The following C7orf78 variants were observed in gnomAD, a reference collection of about 807,000 sequenced individuals.
C7orf78 encodes the protein putative uncharacterized protein C7orf78.
chr7:12,527,896 G>A, the C7orf78 span, among the ~76,000 whole-genome samples: 1 of 147,206 alleles, frequency 6.8e-6, no homozygotes, highest in African/African-American at 2.5e-5. Context: ...CAGCTTCCTA[G>A]TATATGCTAT....
chr7:12,508,183 C>A, the C7orf78 span, among the ~76,000 whole-genome samples: 3 of 152,084 alleles, frequency 2.0e-5, no homozygotes, highest in African/African-American at 7.2e-5. Flanking sequence ...ACAGGGCATT[C>A]GGTAAAGTCT....
At chr7:12,507,772 G>A in the C7orf78 span, among the ~76,000 whole-genome samples, 4 of 152,128 alleles carry the variant, frequency 2.6e-5, no homozygotes, top group Non-Finnish European at 1.5e-5. Flanking sequence ...TTTTTAATTA[G>A]TGCATGTATG....
At chr7:12,504,420 A>C in the C7orf78 span, 1 of 152,214 alleles carries the variant, frequency 6.6e-6, no homozygotes, top group Non-Finnish European at 1.5e-5. Context: ...AGCAAAACTT[A>C]AATATACTTT....
At chr7:12,517,702 T>C in the C7orf78 span, among the ~76,000 whole-genome samples, 1 of 152,204 alleles carries the variant, frequency 6.6e-6, no homozygotes, top group East Asian at 1.9e-4. Context: ...GTTCATTAAA[T>C]GAACTCTTCA....
At chr7:12,533,838 T>C in the C7orf78 span, among the ~76,000 whole-genome samples, 3 of 152,232 alleles carry the variant, frequency 2.0e-5, no homozygotes, top group East Asian at 5.8e-4. Context: ...AAGTTTCTTA[T>C]AGTGGTTACA....
At chr7:12,508,335 AG>A in the C7orf78 span, among the ~76,000 whole-genome samples, 1 of 152,146 alleles carries the variant, frequency 6.6e-6, no homozygotes, top group Non-Finnish European at 1.5e-5. Flanking sequence ...AAATGGCTCA[AG>A]TTTCTAAGTT....
chr7:12,534,103 T>C, the C7orf78 span, among the ~76,000 whole-genome samples: 1 of 152,222 alleles, frequency 6.6e-6, no homozygotes, highest in South Asian at 2.1e-4. Context: ...TCTCAAATCA[T>C]GAATTTTAAA....
chr7:12,499,580 C>G, the C7orf78 span, among the ~76,000 whole-genome samples: 2 of 149,564 alleles, frequency 1.3e-5, no homozygotes, highest in South Asian at 4.4e-4. Context: ...ATTCATAAAG[C>G]AAGTCCTGAG....
chr7:12,537,327 C>T, the C7orf78 span, among the ~76,000 whole-genome samples: 14 of 152,326 alleles, frequency 9.2e-5, no homozygotes, highest in East Asian at 1.2e-3. Flanking sequence ...TCTCGTGAGA[C>T]TCATTCACTA....
chr7:12,516,811 C>G, the C7orf78 span, among the ~76,000 whole-genome samples: 2 of 152,144 alleles, frequency 1.3e-5, no homozygotes, highest in African/African-American at 4.8e-5. Flanking sequence ...TTGTTTTGGC[C>G]ACTTTCTCCC....
At chr7:12,535,810 T>C in the C7orf78 span, among the ~76,000 whole-genome samples, 1 of 152,194 alleles carries the variant, frequency 6.6e-6, no homozygotes, top group Non-Finnish European at 1.5e-5. Context: ...ACAGACCCCA[T>C]GCAAGTCCGA....
the C7orf78 span, among the ~76,000 whole-genome samples, chr7:12,516,105 C>A: frequency 6.6e-6 from 1 of 152,174 alleles, no homozygotes; most frequent in African/African-American, 2.4e-5. Context: ...ACAGCAGACC[C>A]TCCCATCACA....
the C7orf78 span, among the ~76,000 whole-genome samples, chr7:12,517,348 T>A: frequency 6.6e-6 from 1 of 152,194 alleles, no homozygotes; most frequent in Non-Finnish European, 1.5e-5. Context: ...GTAAGTCCAA[T>A]TAAACCTCTT....
chr7:12,495,266 A>T, the C7orf78 span, among the ~76,000 whole-genome samples: 1 of 152,170 alleles, frequency 6.6e-6, no homozygotes, highest in African/African-American at 2.4e-5. Flanking sequence ...ACTGTGTGAC[A>T]TGTCAGATGG....
the C7orf78 span, among the ~76,000 whole-genome samples, chr7:12,503,995 C>T: frequency 6.6e-6 from 1 of 152,012 alleles, no homozygotes; most frequent in Non-Finnish European, 1.5e-5. Flanking sequence ...TAGGTTGAGC[C>T]GTAGATTAGA....
chr7:12,520,352 A>G, the C7orf78 span, among the ~76,000 whole-genome samples: 1 of 152,176 alleles, frequency 6.6e-6, no homozygotes, highest in Non-Finnish European at 1.5e-5. Context: ...GATATTTCTA[A>G]TTTATTGATG....
chr7:12,511,682 T>C, the C7orf78 span, among the ~76,000 whole-genome samples: 1 of 152,190 alleles, frequency 6.6e-6, no homozygotes, highest in African/African-American at 2.4e-5. Flanking sequence ...TATTGGTGTA[T>C]AGAAACACTA....
At chr7:12,521,151 C>A in the C7orf78 span, among the ~76,000 whole-genome samples, 1 of 152,006 alleles carries the variant, frequency 6.6e-6, no homozygotes, top group South Asian at 2.1e-4. Context: ...ATAATTGAGT[C>A]CTTTTTTAAT....
At chr7:12,532,599 A>C in the C7orf78 span, among the ~76,000 whole-genome samples, 1 of 151,832 alleles carries the variant, frequency 6.6e-6, no homozygotes, top group Non-Finnish European at 1.5e-5. Context: ...CCCATACCCT[A>C]TCTGCCTGAT....
Sources: gnomAD v4.1 joint callset for allele counts (sites outside exome capture counted in the v4.1 genomes callset) on GRCh38, gnomAD v4.1.1 for gene constraint, MANE v1.5 for transcripts, NCBI Gene and HGNC (gene_info 2026-07-23, HGNC 2026-07-21) for gene names.